Variants in ZNF337 observed in about 807,000 individuals in gnomAD.
ZNF337 encodes the protein zinc finger protein 337.
In ZNF337, 8 loss-of-function variants were observed where a neutral mutation model predicts 12.1. The ratio of observed to expected loss-of-function variants is 0.66; its 90% CI spans 0.39 to 1.19. The LOEUF is 1.19. ZNF337 is among the 50% of genes most tolerant of loss of function. The pLI is 0.01. For synonymous variants in ZNF337, 336 were observed against 320.0 expected (o/e 1.05, Z -0.53); for missense variants, 882 against 896.6 (o/e 0.98, Z 0.21).
chr20:25,689,092 G>A (rs1319967528), intron 1 of ZNF337, among the ~76,000 whole-genome samples: 1 of 148,732 alleles, frequency 6.7e-6, no homozygotes, highest in African/African-American at 2.5e-5. Flanking sequence ...AGCCGAGATC[G>A]CGCCACTGCG....
Position 25,676,098 on chromosome 20 carries a change from G to A in ZNF337, c.1190C>T (p.Thr397Ile), listed in dbSNP as rs1320685635. The change falls in exon 5 of 5, where the codon ACA becomes ATA. Residue 397 changes from threonine to isoleucine, a missense_variant. Physicochemically the swap from Thr to Ile is moderately conservative, Grantham distance 89 (BLOSUM62 -1). Coordinates refer to ENST00000252979, the MANE Select transcript of ZNF337 (RefSeq NM_015655.4). ...VKGSLLRHQR[T>I]HSGEKPFVCK... Reference sequence around the variant, plus strand: ...CACAAAAGGCTTCTCCCCTGAGTGTGTTCTCTGGTGTCTGAGGAGACTTCC... The same window carrying A: ...CACAAAAGGCTTCTCCCCTGAGTGTATTCTCTGGTGTCTGAGGAGACTTCC... The A allele has an allele frequency of 1.2e-6, 2 of 1,614,012 alleles. No individual in the cohort carries two copies. Among genetic ancestry groups the A allele is most frequent in the East Asian group, 2.2e-5 (1 of 44,856 alleles).
At position 25,676,085 on chromosome 20, in the gene ZNF337, C is replaced by T; in HGVS notation, c.1203G>A (p.Glu401=). 6.2e-7 allele frequency: 1 copy of T among 1,614,202 alleles called. No individual in the cohort carries two copies. The highest frequency in any genetic ancestry group is 8.5e-7 in the Non-Finnish European group (1 of 1,180,022). The change falls in exon 5 of 5, where the codon GAG becomes GAA. Residue 401 remains glutamate, a synonymous_variant. Transcript: ENST00000252979. ...LLRHQRTHSG[E]KPFVCKDCER... is the part of the protein sequence containing the mutation. ...CACAATCCTTGCACACAAAAGGCTT[C>T]TCCCCTGAGTGTGTTCTCTGGTGTC...
intron 3 of ZNF337, 99 bp from the exon 4 acceptor site, chr20:25,685,761 G>A (rs2065825167): frequency 4.0e-6 from 5 of 1,240,466 alleles, no homozygotes; most frequent in African/African-American, 1.5e-5. Context: ...GAGAATCAGA[G>A]GGGGAAGGCT....
At chr20:25,695,298 A>C (rs1303889431) in intron 1 of ZNF337, among the ~76,000 whole-genome samples, 1 of 152,114 alleles carries the variant, frequency 6.6e-6, no homozygotes, top group East Asian at 1.9e-4. Flanking sequence ...ACAAAAACCC[A>C]AAAAACTGAA....
rs1405631836 is a variant in ZNF337 at position 25,673,755 on chromosome 20, T to C, written c.*1277A>G. 6.6e-6 allele frequency: 1 copy of C among 152,232 alleles called. No individual in the cohort carries two copies. Among genetic ancestry groups the C allele is most frequent in the Non-Finnish European group, 1.5e-5 (1 of 68,044 alleles). 9.4% of individuals were successfully genotyped at this position (152,232 alleles called of 1,614,324 possible). On this transcript the variant is annotated 3_prime_UTR_variant, in exon 5 of 5. Transcript: ENST00000252979. ...AGTCCTGGTTTACTTAACCATTAAC[T>C]GTTTGCTAATGGCTGAATGAAGTCT...
chr20:25,692,608 A>T (rs6083921), intron 1 of ZNF337, among the ~76,000 whole-genome samples: 8,414 of 152,246 alleles, frequency 0.055, 320 homozygotes, highest in Middle Eastern at 0.11. Flanking sequence ...CTTCCAAGAT[A>T]ATTTGGAGAG....
chr20:25,683,009 C>T (rs1217032834), intron 4 of ZNF337, among the ~76,000 whole-genome samples: 1 of 152,080 alleles, frequency 6.6e-6, no homozygotes, highest in Non-Finnish European at 1.5e-5. Flanking sequence ...TCAATAGAAA[C>T]AGATGACCCC....
At chr20:25,690,260 T>C (rs530058405) in intron 1 of ZNF337, among the ~76,000 whole-genome samples, 3 of 152,218 alleles carry the variant, frequency 2.0e-5, no homozygotes, top group African/African-American at 7.2e-5. Flanking sequence ...GAGCAAGACA[T>C]AGTCTCAAGA....
intron 1 of ZNF337, among the ~76,000 whole-genome samples, chr20:25,692,351 G>A (rs6050791): frequency 0.26 from 39,496 of 152,050 alleles, 8,874 homozygotes; most frequent in African/African-American, 0.6. Flanking sequence ...AGGCAAGACA[G>A]TAACAACAAA....
At position 25,676,679 on chromosome 20, in the gene ZNF337, G is replaced by A. The variant is rs1213543027; in HGVS notation, c.609C>T (p.Ser203=). 1 of 1,614,166 alleles carries A rather than the reference G, an allele frequency of 6.2e-7. No individual in the cohort carries two copies. The highest frequency in any genetic ancestry group is 2.2e-5 in the East Asian group (1 of 44,882). Residue 203 remains serine, a synonymous_variant, in exon 5 of 5, where the codon TCC becomes TCT. Coordinates refer to ENST00000252979, the MANE Select transcript of ZNF337 (RefSeq NM_015655.4). The part of the protein sequence containing the change: ...MMVIIHKKAH[S]RQKLFTCREC... ...CCCTGCATGTAAAAAGTTTCTGCCT[G>A]GAATGTGCTTTTTTGTGTATGATTA... is the stretch of plus-strand genomic sequence containing the variant.
chr20:25,686,295 G>T, intron 2 of ZNF337, 96 bp downstream of exon 2: 2 of 1,463,572 alleles, frequency 1.4e-6, no homozygotes, highest in Non-Finnish European at 1.9e-6. Context: ...GAGCGGTGCT[G>T]GCCTTGGTCC....
intron 2 of ZNF337, 84 bp downstream of exon 2, chr20:25,686,307 G>A: frequency 6.8e-7 from 1 of 1,479,860 alleles, no homozygotes. Flanking sequence ...CCTTGGTCCT[G>A]TGCTAATAAT....
chr20:25,694,239 C>G (rs943021779), intron 1 of ZNF337, among the ~76,000 whole-genome samples: 3 of 152,124 alleles, frequency 2.0e-5, no homozygotes, highest in African/African-American at 7.2e-5. Flanking sequence ...TATTACCCAC[C>G]AATTTCAGAT....
chr20:25,676,660 A>G lies in ZNF337; in HGVS notation c.628T>C (p.Cys210Arg). The G allele has an allele frequency of 6.2e-7, 1 of 1,614,212 alleles. No homozygotes were observed. The highest frequency in any genetic ancestry group is 8.5e-7 in the Non-Finnish European group (1 of 1,180,052). The change falls in exon 5 of 5, where the codon TGC becomes CGC. Residue 210 changes from cysteine (C) to arginine (R), a missense_variant. Physicochemically the swap from Cys to Arg is radical, Grantham distance 180 (BLOSUM62 -3). Coordinates refer to ENST00000252979, the MANE Select transcript of ZNF337 (RefSeq NM_015655.4). Reference protein sequence around the residue: ...KAHSRQKLFTCRECHQGFRDE... With the variant: ...KAHSRQKLFTRRECHQGFRDE... ...CTAAAGCCCTGGTGACACTCCCTGCATGTAAAAAGTTTCTGCCTGGAATGT... is the reference window on the plus strand; with the variant it reads ...CTAAAGCCCTGGTGACACTCCCTGCGTGTAAAAAGTTTCTGCCTGGAATGT...
At chr20:25,690,258 CAT>C (rs1471628524) in intron 1 of ZNF337, among the ~76,000 whole-genome samples, 2 of 152,176 alleles carry the variant, frequency 1.3e-5, no homozygotes, top group Non-Finnish European at 2.9e-5. Flanking sequence ...CAGAGCAAGA[CAT>C]AGTCTCAAGA....
Position 25,676,532 on chromosome 20 carries a change from G to C in ZNF337, c.756C>G (p.Leu252=), listed in dbSNP as rs2065695214. 6.2e-7 allele frequency: 1 copy of C among 1,613,712 alleles called. No individual in the cohort carries two copies. Among genetic ancestry groups the C allele is most frequent in the Non-Finnish European group, 8.5e-7 (1 of 1,179,896 alleles). Residue 252 remains leucine (L), a synonymous_variant, in exon 5 of 5, where the codon CTC becomes CTG. Transcript: ENST00000252979. The part of the protein sequence containing the change: ...GRGFSLKANL[L]RHQRTHSGEK... ...CTCCTGAGTGTGTCCTCTGGTGTCT[G>C]AGGAGGTTGGCCTTGAGGCTGAAGC...
chr20:25,676,915 T>C lies in ZNF337; in HGVS notation c.373A>G (p.Lys125Glu), dbSNP rs540060420. 7.4e-6 allele frequency: 12 copies of C among 1,614,210 alleles called. No homozygotes were observed. In the South Asian group the frequency reaches 1.1e-4, roughly 15 times the overall value. The part of the protein sequence containing the change: ...SDTAEGQEKE[K>E]STKPMAFSSP... ...GAAAATGCCATGGGCTTAGTGCTTT[T>C]TTCTTTCTCTTGACCTTCAGCTGTG... is the stretch of plus-strand genomic sequence containing the variant. The change falls in exon 5 of 5, where the codon AAA becomes GAA. Residue 125 changes from lysine (K) to glutamate (E), a missense_variant. By Grantham distance (56) the Lys-to-Glu change is moderately conservative. Transcript: ENST00000252979.
intron 1 of ZNF337, 49 bp downstream of exon 1, chr20:25,696,710 G>A: frequency 1.0e-6 from 1 of 982,774 alleles, no homozygotes; most frequent in Non-Finnish European, 1.2e-6. Context: ...CCTTCTTCCT[G>A]CGCCGGAAGG....
intron 1 of ZNF337, among the ~76,000 whole-genome samples, chr20:25,691,583 G>A (rs1490195726): frequency 6.6e-6 from 1 of 152,172 alleles, no homozygotes; most frequent in African/African-American, 2.4e-5. Context: ...GGGAAAAGCT[G>A]TCACCATAGA....
Sources: gnomAD v4.1 joint callset for allele counts (sites outside exome capture counted in the v4.1 genomes callset) on GRCh38, gnomAD v4.1.1 for gene constraint, MANE v1.5 for transcripts, NCBI Gene and HGNC (gene_info 2026-07-23, HGNC 2026-07-21) for gene names.